OR4Q3: variants seen among roughly 807,000 people sequenced by gnomAD.
OR4Q3 encodes olfactory receptor 4Q3.
Under a neutral mutation model 18.8 loss-of-function variants are expected in OR4Q3, and 17 were observed. That is an observed-to-expected ratio of 0.91 (90% CI 0.62 to 1.36). The LOEUF (loss-of-function observed/expected upper bound fraction) is 1.36. Ranked by LOEUF, OR4Q3 falls within the 40% of genes most tolerant of loss-of-function variation. The pLI is 0.00. For synonymous variants in OR4Q3, 158 were observed against 145.8 expected (o/e 1.08, Z -0.60); for missense variants, 378 against 373.4 (o/e 1.01, Z -0.10).
At chr14:19,751,866 T>C, downstream of OR4Q3, among the ~76,000 whole-genome samples, 2 of 152,224 alleles carry the variant, frequency 1.3e-5, no homozygotes, top group Non-Finnish European at 2.9e-5. Flanking sequence ...TATAGATTTT[T>C]GCACCTCAAT....
chr14:19,748,726 T>C, exon 2 of OR4Q3: 1 of 217,806 alleles, frequency 4.6e-6, no homozygotes, highest in Non-Finnish European at 9.2e-6. Flanking sequence ...GATATATCTC[T>C]TTTTGTGTTC....
downstream of OR4Q3, among the ~76,000 whole-genome samples, chr14:19,750,321 T>G: frequency 6.6e-6 from 1 of 152,232 alleles, no homozygotes; most frequent in Admixed American, 6.5e-5. Flanking sequence ...TATAGGAGCT[T>G]CAGAGCTGGA....
chr14:19,747,991 G>T, exon 2 of OR4Q3: 1 of 1,614,060 alleles, frequency 6.2e-7, no homozygotes. Flanking sequence ...TCATCAAGCT[G>T]GCCTGCATGG....
chr14:19,746,685 T>G, intron 1 of OR4Q3, among the ~76,000 whole-genome samples: 34 of 152,340 alleles, frequency 2.2e-4, no homozygotes, highest in Middle Eastern at 3.4e-3. Context: ...TGACCTGGGA[T>G]AGTAAAGACA....
downstream of OR4Q3, among the ~76,000 whole-genome samples, chr14:19,749,810 CTA>C: frequency 8.4e-6 from 1 of 119,664 alleles, no homozygotes. Context: ...CTCTTTCTCT[CTA>C]TTTCTTAGAG....
downstream of OR4Q3, among the ~76,000 whole-genome samples, chr14:19,750,538 T>C: frequency 6.6e-6 from 1 of 152,214 alleles, no homozygotes. Flanking sequence ...ATTACTTAGC[T>C]GAAAAATATA....
intron 1 of OR4Q3, among the ~76,000 whole-genome samples, chr14:19,743,896 T>A (rs1296242914): frequency 2.0e-5 from 3 of 152,196 alleles, no homozygotes; most frequent in Non-Finnish European, 2.9e-5. Context: ...CTAGGGCTAG[T>A]GGCATCTTAG....
At chr14:19,748,484 A>C in exon 2 of OR4Q3, 3 of 771,738 alleles carry the variant, frequency 3.9e-6, no homozygotes, top group Non-Finnish European at 4.1e-6. Flanking sequence ...AGGAGATAGC[A>C]TAAAGATTAT....
chr14:19,749,848 TTCTTTCTTTCTTTCTTTC>T, downstream of OR4Q3, among the ~76,000 whole-genome samples: 2 of 1,864 alleles, frequency 1.1e-3, no homozygotes, highest in East Asian at 0.011. Context: ...TACAGATTAC[TTCTTTCTTTCTTTCTTTC>T]TTTCTTTCTT....
exon 2 of OR4Q3, chr14:19,748,006 C>A: frequency 1.9e-6 from 3 of 1,614,070 alleles, no homozygotes; most frequent in Non-Finnish European, 2.5e-6. Flanking sequence ...GCATGGACAC[C>A]TATGTGGTAG....
At chr14:19,750,547 T>C, downstream of OR4Q3, among the ~76,000 whole-genome samples, 6 of 152,242 alleles carry the variant, frequency 3.9e-5, no homozygotes. Context: ...CTGAAAAATA[T>C]ACCTGTGAAA....
Position 19,748,237 on chromosome 14 carries a change from G to T in OR4Q3, c.834G>T (p.Lys278Asn). Residue 278 changes from lysine (K) to asparagine (N), a missense_variant, in exon 2 of 2, where the codon AAG becomes AAT. Coordinates refer to ENST00000642117, the Ensembl canonical transcript of OR4Q3. ...CTTTCTGCAGCTTCTCTGTGGATAA[G>T]ATATTCTCCTTGTTTTACACAGTGA... 8 of 1,613,950 alleles carry T rather than the reference G, an allele frequency of 5.0e-6. No homozygotes were observed. The South Asian group carries it at 6.6e-5, about 13-fold the overall frequency.
At chr14:19,748,866 A>G in exon 2 of OR4Q3, 1 of 160,272 alleles carries the variant, frequency 6.2e-6, no homozygotes, top group Non-Finnish European at 1.4e-5. Context: ...ACAACCACCT[A>G]TGTGTAGTAT....
At chr14:19,745,748 A>G in intron 1 of OR4Q3, among the ~76,000 whole-genome samples, 17 of 152,214 alleles carry the variant, frequency 1.1e-4, no homozygotes, top group African/African-American at 3.6e-4. Flanking sequence ...AAAAAAGATT[A>G]GAGAATTTTC....
At chr14:19,749,854 CTTTCT>C, downstream of OR4Q3, among the ~76,000 whole-genome samples, 2 of 4,006 alleles carry the variant, frequency 5.0e-4, no homozygotes, top group African/African-American at 8.3e-4. Flanking sequence ...TTACTTCTTT[CTTTCT>C]TTCTTTCTTT....
downstream of OR4Q3, among the ~76,000 whole-genome samples, chr14:19,751,618 G>A: frequency 6.6e-6 from 1 of 151,824 alleles, no homozygotes. Context: ...TTCAATCTTA[G>A]AAGATTGTGT....
exon 2 of OR4Q3, chr14:19,747,951 T>A: frequency 6.2e-7 from 1 of 1,614,076 alleles, no homozygotes; most frequent in East Asian, 2.2e-5. Flanking sequence ...CCCAATGAAC[T>A]GGACAACTTC....
At chr14:19,751,288 T>C, downstream of OR4Q3, among the ~76,000 whole-genome samples, 8 of 152,336 alleles carry the variant, frequency 5.3e-5, no homozygotes, top group African/African-American at 1.9e-4. Context: ...TTGCTAGTAT[T>C]GTGTTGAGGA....
chr14:19,745,995 C>T, intron 1 of OR4Q3, among the ~76,000 whole-genome samples: 3 of 152,070 alleles, frequency 2.0e-5, no homozygotes, highest in Admixed American at 1.3e-4. Flanking sequence ...CCAAATCTCT[C>T]TCTCACTGGC....
Sources: allele counts gnomAD v4.1 joint callset (sites outside exome capture counted in the v4.1 genomes callset), GRCh38; gene constraint gnomAD v4.1.1; transcripts MANE v1.5; gene names NCBI Gene and HGNC (gene_info 2026-07-23, HGNC 2026-07-21).